Variants in CCDC91 observed in about 807,000 individuals in gnomAD.
CCDC91 encodes coiled-coil domain containing 91, also known as coiled-coil domain-containing protein 91.
CCDC91 carries 48 observed loss-of-function variants against 63.2 expected under a neutral mutation model. The observed-to-expected ratio is 0.76, with a 90% CI of 0.60 to 0.97. The LOEUF is 0.97. Among genes scored for constraint, CCDC91 ranks in the 50% least tolerant of loss-of-function variants. CCDC91 has a pLI of 0.00. For synonymous variants in CCDC91, 167 were observed against 165.8 expected (o/e 1.01, Z -0.06); for missense variants, 500 against 494.6 (o/e 1.01, Z -0.10).
At chr12:28,405,799 T>G (rs1012795318) in intron 8 of CCDC91, among the ~76,000 whole-genome samples, 1 of 152,178 alleles carries the variant, frequency 6.6e-6, no homozygotes, top group Non-Finnish European at 1.5e-5. Flanking sequence ...GAAGGCAGAT[T>G]GTGATGCTAT....
intron 12 of CCDC91, among the ~76,000 whole-genome samples, chr12:28,502,229 C>G (rs377586729): frequency 6.6e-6 from 1 of 151,840 alleles, no homozygotes; most frequent in Non-Finnish European, 1.5e-5. Flanking sequence ...GCAACTTCAG[C>G]AAAGTCTCAG....
At chr12:28,251,676 T>A (rs1412936669) in intron 1 of CCDC91, among the ~76,000 whole-genome samples, 1 of 152,046 alleles carries the variant, frequency 6.6e-6, no homozygotes, top group Non-Finnish European at 1.5e-5. Context: ...TTTGGTTAGT[T>A]CTCTAGTCAC....
intron 8 of CCDC91, among the ~76,000 whole-genome samples, chr12:28,424,070 G>A (rs1202842570): frequency 4.6e-5 from 7 of 152,022 alleles, no homozygotes; most frequent in Non-Finnish European, 7.4e-5. Context: ...TGGGACTACT[G>A]GCTTGCACCA....
At position 28,307,670 on chromosome 12, in the gene CCDC91, A is replaced by G. The variant is rs773359896; in HGVS notation, c.497A>G (p.His166Arg). ...KQDVESLMEK[H>R]NVLEKGFLKE... ...GATGTGGAATCATTGATGGAAAAGC[A>G]TAATGTCTTAGAAAAAGGCTTTCTA... The change falls in exon 6 of 13, where the codon CAT becomes CGT. Residue 166 changes from histidine to arginine, a missense_variant. Coordinates refer to ENST00000536442, the MANE Select transcript of CCDC91 (RefSeq NM_018318.5). 20 of 1,573,608 alleles carry G rather than the reference A, an allele frequency of 1.3e-5. No homozygotes were observed. In the East Asian group the frequency reaches 3.0e-4, roughly 23 times the overall value.
At chr12:28,298,569 T>C (rs1937670721) in intron 3 of CCDC91, among the ~76,000 whole-genome samples, 1 of 151,336 alleles carries the variant, frequency 6.6e-6, no homozygotes, top group Non-Finnish European at 1.5e-5. Context: ...TATTTTTTTA[T>C]TTTTTCTTTG....
chr12:28,350,052 T>G (rs567350232), intron 6 of CCDC91, among the ~76,000 whole-genome samples: 1 of 152,366 alleles, frequency 6.6e-6, no homozygotes, highest in Non-Finnish European at 1.5e-5. Flanking sequence ...TTTAAGATTG[T>G]CTTTTTTTCA....
intron 12 of CCDC91, among the ~76,000 whole-genome samples, chr12:28,532,402 G>C (rs1316801963): frequency 6.6e-6 from 1 of 152,020 alleles, no homozygotes; most frequent in Non-Finnish European, 1.5e-5. Flanking sequence ...GTCTAAAAGG[G>C]ATTAGTGGAT....
intron 3 of CCDC91, among the ~76,000 whole-genome samples, chr12:28,276,531 C>T (rs1948238328): frequency 6.6e-6 from 1 of 151,904 alleles, no homozygotes. Flanking sequence ...ATACAGTGTG[C>T]AGTTCCCTGT....
intron 1 of CCDC91, among the ~76,000 whole-genome samples, chr12:28,196,841 A>G (rs1941804984): frequency 6.6e-6 from 1 of 152,162 alleles, no homozygotes; most frequent in South Asian, 2.1e-4. Context: ...TAAAAACAAA[A>G]TTGTTAATAT....
intron 7 of CCDC91, 66 bp downstream of exon 7, chr12:28,362,581 AG>A: frequency 1.1e-6 from 1 of 942,124 alleles, no homozygotes. Flanking sequence ...GTACACATGT[AG>A]GTATGTGCAA....
intron 2 of CCDC91, among the ~76,000 whole-genome samples, chr12:28,257,745 G>A (rs1363060346): frequency 2.0e-5 from 3 of 151,982 alleles, no homozygotes; most frequent in African/African-American, 7.2e-5. Context: ...CTTTGTAAGT[G>A]GAAATTGTTA....
intron 12 of CCDC91, among the ~76,000 whole-genome samples, chr12:28,508,450 G>T (rs1938999273): frequency 6.6e-6 from 1 of 151,768 alleles, no homozygotes; most frequent in Admixed American, 6.6e-5. Flanking sequence ...TTATGGCTAT[G>T]ACTGCTGTGC....
At chr12:28,290,170 G>A (rs1949154819) in intron 3 of CCDC91, among the ~76,000 whole-genome samples, 2 of 152,204 alleles carry the variant, frequency 1.3e-5, no homozygotes, top group South Asian at 2.1e-4. Context: ...CTATGACCTT[G>A]CTTTATGAAT....
chr12:28,378,651 T>A (rs1235435761), intron 7 of CCDC91, among the ~76,000 whole-genome samples: 2 of 152,132 alleles, frequency 1.3e-5, no homozygotes, highest in African/African-American at 4.8e-5. Context: ...AGGTATAAAA[T>A]AAATTTATAG....
At chr12:28,379,776 C>A (rs1313513318) in intron 7 of CCDC91, among the ~76,000 whole-genome samples, 1 of 152,098 alleles carries the variant, frequency 6.6e-6, no homozygotes, top group African/African-American at 2.4e-5. Flanking sequence ...ACTAGAAATA[C>A]CATTTGACCT....
intron 8 of CCDC91, among the ~76,000 whole-genome samples, chr12:28,413,497 TTC>T (rs1947450736): frequency 6.6e-6 from 1 of 152,232 alleles, no homozygotes; most frequent in Non-Finnish European, 1.5e-5. Flanking sequence ...AATTTATCTT[TTC>T]TCTTTGGTTG....
At chr12:28,498,516 G>T (rs1952436390) in intron 12 of CCDC91, among the ~76,000 whole-genome samples, 1 of 151,574 alleles carries the variant, frequency 6.6e-6, no homozygotes, top group South Asian at 2.1e-4. Flanking sequence ...ATACCATGAA[G>T]CCAAAGCATG....
At chr12:28,309,941 TTTG>T (rs1939147353) in intron 6 of CCDC91, among the ~76,000 whole-genome samples, 1 of 152,044 alleles carries the variant, frequency 6.6e-6, no homozygotes, top group Non-Finnish European at 1.5e-5. Context: ...TTTATTTTGA[TTTG>T]TTTATTTTCT....
At chr12:28,356,269 A>C (rs1203824553) in intron 6 of CCDC91, among the ~76,000 whole-genome samples, 1 of 152,204 alleles carries the variant, frequency 6.6e-6, no homozygotes. Context: ...AGGAAAAACA[A>C]CCAGGCTTAT....
Sources: allele counts gnomAD v4.1 joint callset (sites outside exome capture counted in the v4.1 genomes callset), GRCh38; gene constraint gnomAD v4.1.1; transcripts MANE v1.5; gene names NCBI Gene and HGNC (gene_info 2026-07-23, HGNC 2026-07-21).